XRCC4: variants seen among roughly 807,000 people sequenced by gnomAD.
XRCC4 encodes the protein DNA repair protein XRCC4.
Under a neutral mutation model 39.1 loss-of-function variants are expected in XRCC4, and 28 were observed. The ratio of observed to expected loss-of-function variants is 0.72; its 90% CI spans 0.53 to 0.98. The LOEUF is 0.98. Ranked by LOEUF, XRCC4 falls within the 50% of genes least tolerant of loss-of-function variation. The pLI, the probability that XRCC4 is intolerant of heterozygous loss-of-function variation, is 0.00. For synonymous variants in XRCC4, 123 were observed against 126.4 expected (o/e 0.97, Z 0.18); for missense variants, 350 against 376.4 (o/e 0.93, Z 0.58).
rs547924612 is a variant in XRCC4, at chr5:83,325,429, C to G, written c.894-27702C>G. 5.9e-5 allele frequency among the ~76,000 whole-genome samples: 9 copies of G among 151,870 alleles called. No individual in the cohort carries two copies. The South Asian group carries it at 1.5e-3, about 25-fold the overall frequency. ...ATCACCCAGGTATTAAGCCCAGCATCCATTAGTTATTCTTCCTGATGCTCT... is the reference window on the plus strand; with the variant it reads ...ATCACCCAGGTATTAAGCCCAGCATGCATTAGTTATTCTTCCTGATGCTCT... On this transcript the variant is annotated intron_variant, in intron 7 of 7. Coordinates refer to ENST00000396027, the MANE Select transcript of XRCC4 (RefSeq NM_003401.5).
chr5:83,217,846 C>T (rs1751922921), intron 6 of XRCC4, among the ~76,000 whole-genome samples: 1 of 152,024 alleles, frequency 6.6e-6, no homozygotes, highest in Non-Finnish European at 1.5e-5. Context: ...CTTGTTCTGC[C>T]ACCCATAAGA....
At chr5:83,370,164 T>A in the XRCC4 span, among the ~76,000 whole-genome samples, 123 of 152,294 alleles carry the variant, frequency 8.1e-4, no homozygotes, top group Middle Eastern at 3.4e-3. Flanking sequence ...TCCTAAACTT[T>A]CCTTGACAAC....
intron 1 of XRCC4, among the ~76,000 whole-genome samples, chr5:83,101,524 T>G (rs553793660): frequency 5.2e-4 from 79 of 152,150 alleles, no homozygotes; most frequent in African/African-American, 1.9e-3. Context: ...AATTTCTTTT[T>G]TTTTTGTTGT....
the XRCC4 span, among the ~76,000 whole-genome samples, chr5:83,366,126 A>G: frequency 6.6e-6 from 1 of 152,198 alleles, no homozygotes; most frequent in Admixed American, 6.5e-5. Flanking sequence ...TTATTTATAC[A>G]TAGGTGAGTA....
chr5:83,309,288 A>AG (rs1755607238), intron 7 of XRCC4, among the ~76,000 whole-genome samples: 1 of 111,952 alleles, frequency 8.9e-6, no homozygotes, highest in Non-Finnish European at 1.6e-5. Flanking sequence ...AAAAAAAAAA[A>AG]AAAAAAAAAT....
At chr5:83,134,068 T>G (rs1443141951) in intron 3 of XRCC4, among the ~76,000 whole-genome samples, 1 of 152,222 alleles carries the variant, frequency 6.6e-6, no homozygotes, top group Non-Finnish European at 1.5e-5. Context: ...CCTTCTGGGC[T>G]TGATCGGAGG....
chr5:83,131,937 T>C (rs1004108288), intron 3 of XRCC4, among the ~76,000 whole-genome samples: 1 of 152,126 alleles, frequency 6.6e-6, no homozygotes, highest in African/African-American at 2.4e-5. Flanking sequence ...CGTTAGCTGG[T>C]TATTTTGCTC....
At chr5:83,147,032 A>T (rs1748486896) in intron 3 of XRCC4, among the ~76,000 whole-genome samples, 1 of 152,184 alleles carries the variant, frequency 6.6e-6, no homozygotes, top group African/African-American at 2.4e-5. Flanking sequence ...CTGGCCACAA[A>T]TTACACTCGT....
In XRCC4 at chr5:83,347,004, A is replaced by G. The variant is rs746356720; in HGVS notation, c.894-6127A>G. 9.2e-5 allele frequency among the ~76,000 whole-genome samples: 14 copies of G among 152,308 alleles called. No homozygotes were observed. In the East Asian group the frequency reaches 1.9e-3, roughly 21 times the overall value. On this transcript the variant is annotated intron_variant, in intron 7 of 7. Coordinates refer to ENST00000396027, the MANE Select transcript of XRCC4 (RefSeq NM_003401.5). ...GAGAAGGCATGTTCATGAAAAAAATATGATAAATATGCTAAGATATATGTA... is the reference window on the plus strand; with the variant it reads ...GAGAAGGCATGTTCATGAAAAAAATGTGATAAATATGCTAAGATATATGTA...
chr5:83,336,799 C>A (rs1178191747), intron 7 of XRCC4, among the ~76,000 whole-genome samples: 1 of 152,038 alleles, frequency 6.6e-6, no homozygotes, highest in East Asian at 1.9e-4. Context: ...TTCATTTAAC[C>A]ACAACTTTCT....
chr5:83,271,259 A>T (rs1213984161), intron 7 of XRCC4, among the ~76,000 whole-genome samples: 1 of 152,206 alleles, frequency 6.6e-6, no homozygotes, highest in East Asian at 1.9e-4. Flanking sequence ...TGAATCCAGC[A>T]ACTCATTCAT....
chr5:83,355,487 G>A (rs574212588), downstream of XRCC4, among the ~76,000 whole-genome samples: 79 of 152,132 alleles, frequency 5.2e-4, no homozygotes, highest in Admixed American at 8.5e-4. Context: ...GTAGGCACTC[G>A]AAAGTTTCTT....
In XRCC4 at chr5:83,313,640, C is replaced by G. The variant is rs371762161; in HGVS notation, c.894-39491C>G. ...CTGCTCCAGCCACGCCAATCTCTTA[C>G]ATATTTGTCTAACACATCAGCTGTA... On this transcript the variant is annotated intron_variant, in intron 7 of 7. Coordinates refer to ENST00000396027, the MANE Select transcript of XRCC4 (RefSeq NM_003401.5). Among the ~76,000 whole-genome samples the G allele has an allele frequency of 3.2e-4, 48 of 152,284 alleles. No individual in the cohort carries two copies. The Middle Eastern group carries it at 0.014, about 43-fold the overall frequency.
At chr5:83,145,389 T>G (rs535067980) in intron 3 of XRCC4, among the ~76,000 whole-genome samples, 1 of 152,330 alleles carries the variant, frequency 6.6e-6, no homozygotes, top group East Asian at 1.9e-4. Flanking sequence ...GGAGATTCTC[T>G]TAGACTCATC....
At chr5:83,329,588 C>T (rs1222979621) in intron 7 of XRCC4, among the ~76,000 whole-genome samples, 1 of 152,066 alleles carries the variant, frequency 6.6e-6, no homozygotes, top group Non-Finnish European at 1.5e-5. Context: ...AGTAGAAAAG[C>T]ATGGTAACCT....
At chr5:83,361,500 C>T in the XRCC4 span, among the ~76,000 whole-genome samples, 1 of 152,168 alleles carries the variant, frequency 6.6e-6, no homozygotes, top group Non-Finnish European at 1.5e-5. Flanking sequence ...CTTTCATTTC[C>T]ATGACAACTT....
chr5:83,238,139 A>G (rs1020946494), intron 6 of XRCC4, among the ~76,000 whole-genome samples: 1 of 152,126 alleles, frequency 6.6e-6, no homozygotes, highest in Non-Finnish European at 1.5e-5. Flanking sequence ...CTTCTATCTG[A>G]TTTTTGAGAG....
intron 5 of XRCC4, 57 bp from the exon 6 acceptor site, chr5:83,204,758 T>A: frequency 7.8e-7 from 1 of 1,284,716 alleles, no homozygotes; most frequent in East Asian, 2.4e-5. Flanking sequence ...CTGATAAATC[T>A]GCTGCCTAGC....
At chr5:83,338,616 G>T (rs867075047) in intron 7 of XRCC4, among the ~76,000 whole-genome samples, 1 of 152,062 alleles carries the variant, frequency 6.6e-6, no homozygotes, top group African/African-American at 2.4e-5. Flanking sequence ...TTAAGCCATT[G>T]ATTATAGCAG....
Sources: gnomAD v4.1 joint callset for allele counts (sites outside exome capture counted in the v4.1 genomes callset) on GRCh38, gnomAD v4.1.1 for gene constraint, MANE v1.5 for transcripts, NCBI Gene and HGNC (gene_info 2026-07-23, HGNC 2026-07-21) for gene names.